Variants in VOPP1 observed in about 807,000 individuals in gnomAD.
VOPP1 encodes the protein VOPP1 WW domain binding protein.
VOPP1 carries 8 observed loss-of-function variants against 23.5 expected under a neutral mutation model. That is an observed-to-expected ratio of 0.34 (90% CI 0.20 to 0.61). The LOEUF (loss-of-function observed/expected upper bound fraction) is 0.61, where lower values mean the gene tolerates loss of function less well. Among genes scored for constraint, VOPP1 ranks in the 20% least tolerant of loss-of-function variants. The probability of loss-of-function intolerance (pLI) is 0.78; values close to 1 mark genes in which losing one functional copy is unlikely to be tolerated. For missense variants in VOPP1, 174 were observed against 238.1 expected (o/e 0.73, Z 1.77); for synonymous variants, 83 against 97.3 (o/e 0.85, Z 0.86).
intron 4 of VOPP1, among the ~76,000 whole-genome samples, chr7:55,476,137 C>T (rs1212539415): frequency 6.6e-6 from 1 of 152,242 alleles, no homozygotes; most frequent in Admixed American, 6.5e-5. Flanking sequence ...CCACAGCCAG[C>T]CTCCCAGCCG....
intron 4 of VOPP1, among the ~76,000 whole-genome samples, chr7:55,458,867 T>C (rs752706096): frequency 1.3e-5 from 2 of 152,208 alleles, no homozygotes; most frequent in Non-Finnish European, 2.9e-5. Context: ...ATGCTTTTTA[T>C]TTATTTCTCT....
At chr7:55,505,625 GGAAA>G in intron 2 of VOPP1, among the ~76,000 whole-genome samples, 1 of 120,964 alleles carries the variant, frequency 8.3e-6, no homozygotes, top group Non-Finnish European at 1.6e-5. Context: ...AGAGGGGGAA[GGAAA>G]GAAGGAAAAA....
chr7:55,550,360 G>A (rs1187318164), intron 1 of VOPP1, among the ~76,000 whole-genome samples: 1 of 152,162 alleles, frequency 6.6e-6, no homozygotes, highest in Non-Finnish European at 1.5e-5. Flanking sequence ...TGTAACACAG[G>A]CAACACTTAT....
intron 2 of VOPP1, among the ~76,000 whole-genome samples, chr7:55,499,431 C>T (rs1018261878): frequency 2.0e-5 from 3 of 152,196 alleles, no homozygotes; most frequent in African/African-American, 4.8e-5. Flanking sequence ...CCTGACACTC[C>T]ATGCATCCAC....
chr7:55,495,680 T>G (rs1406921546), intron 3 of VOPP1, among the ~76,000 whole-genome samples: 2 of 152,164 alleles, frequency 1.3e-5, no homozygotes, highest in Non-Finnish European at 2.9e-5. Flanking sequence ...GCCTAAAGCC[T>G]CTCCATAAAA....
chr7:55,526,784 C>A (rs1796216945), intron 1 of VOPP1: 1 of 152,214 alleles, frequency 6.6e-6, no homozygotes, highest in Non-Finnish European at 1.5e-5. Flanking sequence ...ACGGCTTTGG[C>A]CAACAGTCTG....
chr7:55,567,703 T>A (rs1382657840), intron 1 of VOPP1, among the ~76,000 whole-genome samples: 1 of 152,118 alleles, frequency 6.6e-6, no homozygotes, highest in Admixed American at 6.6e-5. Flanking sequence ...TGCCAGCCGG[T>A]TCATTTATTG....
chr7:55,527,853 A>C (rs1165087495), intron 1 of VOPP1, among the ~76,000 whole-genome samples: 1 of 152,232 alleles, frequency 6.6e-6, no homozygotes, highest in East Asian at 1.9e-4. Flanking sequence ...ATTCATTAAT[A>C]ACCAAATATA....
chr7:55,499,620 C>T (rs144203554), intron 2 of VOPP1, among the ~76,000 whole-genome samples: 1,678 of 152,304 alleles, frequency 0.011, 12 homozygotes, highest in Middle Eastern at 0.02. Flanking sequence ...GAGCCGGCAC[C>T]GGCAGGTTGA....
At chr7:55,523,725 G>C (rs1300807032) in intron 1 of VOPP1, among the ~76,000 whole-genome samples, 2 of 152,076 alleles carry the variant, frequency 1.3e-5, no homozygotes, top group Non-Finnish European at 2.9e-5. Flanking sequence ...ACATACTGAA[G>C]ACCACCCAGT....
chr7:55,558,708 C>T (rs547023805), intron 1 of VOPP1, among the ~76,000 whole-genome samples: 5 of 152,312 alleles, frequency 3.3e-5, no homozygotes, highest in African/African-American at 4.8e-5. Context: ...TGTCCAACCC[C>T]AGGCTCCTTG....
At chr7:55,470,008 G>C (rs118050264), downstream of VOPP1, among the ~76,000 whole-genome samples, 1,787 of 152,262 alleles carry the variant, frequency 0.012, 13 homozygotes, top group Admixed American at 0.021. Context: ...TTGAACCACT[G>C]CATGCCAGGC....
At chr7:55,439,647 G>C (rs9656636) in intron 4 of VOPP1, among the ~76,000 whole-genome samples, 416 of 152,344 alleles carry the variant, frequency 2.7e-3, no homozygotes, top group African/African-American at 9.6e-3. Flanking sequence ...CCCGGGACTA[G>C]GGATCCGACA....
chr7:55,537,409 A>C, intron 1 of VOPP1: 3 of 1,510,444 alleles, frequency 2.0e-6, no homozygotes, highest in Non-Finnish European at 2.7e-6. Flanking sequence ...GAGGTAACAC[A>C]TAACTGCCCA....
At chr7:55,544,729 G>A (rs1383891661) in intron 1 of VOPP1, among the ~76,000 whole-genome samples, 1 of 152,162 alleles carries the variant, frequency 6.6e-6, no homozygotes, top group Non-Finnish European at 1.5e-5. Flanking sequence ...CAGAGTTGGT[G>A]GAGACCGTGG....
intron 1 of VOPP1, among the ~76,000 whole-genome samples, chr7:55,551,906 G>A (rs952914351): frequency 7.2e-5 from 11 of 151,908 alleles, no homozygotes; most frequent in African/African-American, 2.4e-4. Flanking sequence ...CACACATGGT[G>A]GCGCATGCCT....
intron 1 of VOPP1, among the ~76,000 whole-genome samples, chr7:55,532,621 A>G (rs1796560742): frequency 6.6e-6 from 1 of 152,080 alleles, no homozygotes; most frequent in African/African-American, 2.4e-5. Flanking sequence ...TAGAAACTAC[A>G]CTAGTTACAA....
intron 2 of VOPP1, among the ~76,000 whole-genome samples, chr7:55,503,566 T>C (rs913097135): frequency 1.3e-5 from 2 of 152,240 alleles, no homozygotes; most frequent in African/African-American, 2.4e-5. Context: ...GTTGTTGCTA[T>C]GGATGGAAAG....
At chr7:55,553,188 G>C (rs1235246545) in intron 1 of VOPP1, among the ~76,000 whole-genome samples, 1 of 152,220 alleles carries the variant, frequency 6.6e-6, no homozygotes, top group Non-Finnish European at 1.5e-5. Flanking sequence ...TGTTGCCCTA[G>C]CAGGAGGCAT....
Sources: gnomAD v4.1 joint callset for allele counts (sites outside exome capture counted in the v4.1 genomes callset) on GRCh38, gnomAD v4.1.1 for gene constraint, MANE v1.5 for transcripts, NCBI Gene and HGNC (gene_info 2026-07-23, HGNC 2026-07-21) for gene names.